C3AR1: variants seen among roughly 807,000 people sequenced by gnomAD.
C3AR1 encodes the protein C3a anaphylatoxin chemotactic receptor.
For synonymous variants in C3AR1, 208 were observed against 225.3 expected (o/e 0.92, Z 0.69); for missense variants, 579 against 583.5 (o/e 0.99, Z 0.08).
At position 8,059,240 on chromosome 12, in the gene C3AR1, C is replaced by T; in HGVS notation, c.946G>A (p.Asp316Asn). 6.2e-7 allele frequency: 1 copy of T among 1,614,116 alleles called. No homozygotes were observed. The highest frequency in any genetic ancestry group is 1.1e-5 in the South Asian group (1 of 91,084). Reference protein sequence around the residue: ...YESELPQGFQDYYNLGQFTDD... With the variant: ...YESELPQGFQNYYNLGQFTDD... ...GTGAATTGGCCTAAATTGTAATAATCCTGGAAACCTTGTGGTAGCTCAGAC... is the reference window on the plus strand; with the variant it reads ...GTGAATTGGCCTAAATTGTAATAATTCTGGAAACCTTGTGGTAGCTCAGAC... Residue 316 changes from aspartate to asparagine, a missense_variant, in exon 2 of 2, where the codon GAT (aspartate) becomes AAT (asparagine). Physicochemically the swap from Asp to Asn is conservative, Grantham distance 23. Coordinates refer to ENST00000307637, the MANE Select transcript of C3AR1 (RefSeq NM_004054.4).
In C3AR1 at chr12:8,059,402, C is replaced by T; in HGVS notation, c.784G>A (p.Ala262Thr). ...GGGATTTTAGGTGAGACCACATCAG[C>T]AGGTTTAAATACATTAGAATACAGA... Reference protein sequence around the residue: ...QNLYSNVFKPADVVSPKIPSG... With the variant: ...QNLYSNVFKPTDVVSPKIPSG... The change falls in exon 2 of 2, where the codon GCT (alanine) becomes ACT (threonine). Residue 262 changes from alanine to threonine, a missense_variant. By Grantham distance (58) the Ala-to-Thr change is moderately conservative. Transcript: ENST00000307637. 6.2e-7 allele frequency: 1 copy of T among 1,614,072 alleles called. No homozygotes were observed. Among genetic ancestry groups the T allele is most frequent in the Non-Finnish European group, 8.5e-7 (1 of 1,179,982 alleles).
At position 8,060,085 on chromosome 12, in the gene C3AR1, A is replaced by G; in HGVS notation, c.101T>C (p.Phe34Ser). The change falls in exon 2 of 2, where the codon TTT (phenylalanine) becomes TCT (serine). Residue 34 changes from phenylalanine (F) to serine (S), a missense_variant. Coordinates refer to ENST00000307637, the MANE Select transcript of C3AR1 (RefSeq NM_004054.4). ...ILSMVILSLTFLLGLPGNGLV... is the reference protein window; with the variant it reads ...ILSMVILSLTSLLGLPGNGLV... The stretch of plus-strand genomic sequence containing the variant: ...CCCATTGCCTGGCAATCCCAGTAAA[A>G]AAGTAAGGCTGAGAATGACCATGGA... 1 of 1,614,178 alleles carries G rather than the reference A, an allele frequency of 6.2e-7. No individual in the cohort carries two copies. Among genetic ancestry groups the G allele is most frequent in the Non-Finnish European group, 8.5e-7 (1 of 1,180,038 alleles).
intron 1 of C3AR1, among the ~76,000 whole-genome samples, chr12:8,061,472 A>ATTG (rs1947273198): frequency 6.6e-6 from 1 of 151,690 alleles, no homozygotes; most frequent in East Asian, 1.9e-4. Flanking sequence ...TATTATTATT[A>ATTG]TTATTTTTGA....
intron 1 of C3AR1, among the ~76,000 whole-genome samples, chr12:8,061,264 GACAA>G (rs1947270682): frequency 3.3e-5 from 5 of 151,950 alleles, no homozygotes; most frequent in African/African-American, 9.7e-5. Context: ...GGAAAATATA[GACAA>G]ACAAAAAAGA....
At chr12:8,060,919 C>T (rs888052500) in intron 1 of C3AR1, among the ~76,000 whole-genome samples, 1 of 152,260 alleles carries the variant, frequency 6.6e-6, no homozygotes, top group Non-Finnish European at 1.5e-5. Flanking sequence ...CCTGAGGTCA[C>T]GAAAGGGTTT....
In C3AR1 at chr12:8,063,203, G is replaced by T. The variant is rs11567797; in HGVS notation, c.-10-3008C>A. 1.2e-3 allele frequency among the ~76,000 whole-genome samples: 184 copies of T among 151,996 alleles called. 1 individual carries two copies. The highest frequency in any genetic ancestry group is 4.1e-3 in the African/African-American group (168 of 41,458). On this transcript the variant is annotated intron_variant, in intron 1 of 1. Coordinates refer to ENST00000307637, the MANE Select transcript of C3AR1 (RefSeq NM_004054.4). The stretch of plus-strand genomic sequence containing the variant: ...GATTTCCTGACCTGGTGATCCGCCC[G>T]CCTCGGCCTCCCAAAGTCCCGGGAT...
chr12:8,057,699 C>T lies in C3AR1; in HGVS notation c.*1038G>A, dbSNP rs768249784. 1.1e-4 allele frequency among the ~76,000 whole-genome samples: 17 copies of T among 152,246 alleles called. No individual in the cohort carries two copies. In the South Asian group the frequency reaches 2.9e-3, roughly 26 times the overall value. The stretch of plus-strand genomic sequence containing the variant: ...TAATTTTGGCATGTAAGTTGCCTGT[C>T]GTCATGTTTTAAAATGTGATGGCAA... On this transcript the variant is annotated 3_prime_UTR_variant, in exon 2 of 2. Transcript: ENST00000307637.
chr12:8,058,744 G>A lies in C3AR1; in HGVS notation c.1442C>T (p.Thr481Ile). 2 of 1,608,628 alleles carry A rather than the reference G, an allele frequency of 1.2e-6. No homozygotes were observed. The highest frequency in any genetic ancestry group is 1.7e-6 in the Non-Finnish European group (2 of 1,176,978). ...NNVISERNST[T>I]V ...GTTGGCTGCTCCACATTTTCACACA[G>A]TTGTACTATTTCTTTCTGAAATGAC... Residue 481 changes from threonine to isoleucine, a missense_variant, in exon 2 of 2, where the codon ACT becomes ATT. By Grantham distance (89) the Thr-to-Ile change is moderately conservative. Coordinates refer to ENST00000307637, the MANE Select transcript of C3AR1 (RefSeq NM_004054.4).
chr12:8,058,795 C>G lies in C3AR1; in HGVS notation c.1391G>C (p.Arg464Pro). ...LEAAFSEELT[R>P]STHCPSNNVI... ...ATTGTTTGAGGGACAGTGGGTGGAA[C>G]GTGTGAGCTCCTCACTGAAGGCTGC... The change falls in exon 2 of 2, where the codon CGT (arginine) becomes CCT (proline). Residue 464 changes from arginine (R) to proline (P), a missense_variant. By Grantham distance (103) the Arg-to-Pro change is moderately radical (BLOSUM62 -2). Transcript: ENST00000307637. 1 of 1,614,028 alleles carries G rather than the reference C, an allele frequency of 6.2e-7. No homozygotes were observed. The highest frequency in any genetic ancestry group is 8.5e-7 in the Non-Finnish European group (1 of 1,179,946).
At position 8,059,183 on chromosome 12, in the gene C3AR1, C is replaced by T. The variant is rs779816585; in HGVS notation, c.1003G>A (p.Ala335Thr). The part of the protein sequence containing the change: ...DDDQVPTPLV[A>T]ITITRLVVGF... ...ACCACTAGCCTAGTGATCGTTATTG[C>T]CACGAGGGGTGTTGGCACTTGATCG... is the stretch of plus-strand genomic sequence containing the variant. The change falls in exon 2 of 2, where the codon GCA becomes ACA. Residue 335 changes from alanine to threonine, a missense_variant. Ala to Thr is a moderately conservative substitution (Grantham distance 58). Transcript: ENST00000307637. 1.2e-5 allele frequency: 20 copies of T among 1,614,028 alleles called. No individual in the cohort carries two copies. The highest frequency in any genetic ancestry group is 8.5e-7 in the Non-Finnish European group (1 of 1,180,020).
chr12:8,061,693 T>C (rs1036248438), intron 1 of C3AR1, among the ~76,000 whole-genome samples: 1 of 152,132 alleles, frequency 6.6e-6, no homozygotes, highest in Admixed American at 6.6e-5. Context: ...ACTGCTAGGC[T>C]CGAGTGATCC....
intron 1 of C3AR1, among the ~76,000 whole-genome samples, chr12:8,060,513 G>A (rs1285177049): frequency 1.3e-5 from 2 of 152,182 alleles, no homozygotes; most frequent in Non-Finnish European, 2.9e-5. Flanking sequence ...TCCTGCCTCA[G>A]CCTCCAGAGT....
At chr12:8,064,878 T>C (rs1044206690) in intron 1 of C3AR1, among the ~76,000 whole-genome samples, 3 of 151,876 alleles carry the variant, frequency 2.0e-5, no homozygotes, top group Middle Eastern at 3.2e-3. Context: ...TGTTGTTGTT[T>C]GTTTGTTTGT....
Position 8,058,582 on chromosome 12 carries a change from A to T in C3AR1, c.*155T>A. 1 of 789,170 alleles carries T rather than the reference A, an allele frequency of 1.3e-6. No individual in the cohort carries two copies. Among genetic ancestry groups the T allele is most frequent in the Non-Finnish European group, 2.0e-6 (1 of 497,606 alleles). The allele number at this position is 789,170 out of a possible 1,614,324, so 48.9% of individuals were successfully genotyped here. ...TGCATTTCTAACAAGTTTCTAGGTGATGCTGATGTCAATAGTCTGTGTACC... is the reference window on the plus strand; with the variant it reads ...TGCATTTCTAACAAGTTTCTAGGTGTTGCTGATGTCAATAGTCTGTGTACC... On this transcript the variant is annotated 3_prime_UTR_variant, in exon 2 of 2. Transcript: ENST00000307637.
At chr12:8,065,216 G>A (rs1187543846) in intron 1 of C3AR1, among the ~76,000 whole-genome samples, 2 of 150,554 alleles carry the variant, frequency 1.3e-5, no homozygotes, top group Non-Finnish European at 1.5e-5. Context: ...GGAAGCTGCC[G>A]AGAACTGCAT....
At chr12:8,060,594 C>A (rs1358931874) in intron 1 of C3AR1, among the ~76,000 whole-genome samples, 2 of 152,174 alleles carry the variant, frequency 1.3e-5, no homozygotes, top group Non-Finnish European at 2.9e-5. Flanking sequence ...GGGGTTTTGC[C>A]ATGTTGGCCA....
chr12:8,065,653 C>CAA (rs753950088), intron 1 of C3AR1, among the ~76,000 whole-genome samples: 27,733 of 71,126 alleles, frequency 0.39, 5,511 homozygotes, highest in East Asian at 0.5. Flanking sequence ...GACTCTGTCT[C>CAA]AAAAAAAAAA....
chr12:8,058,445 A>G lies in C3AR1; in HGVS notation c.*292T>C, dbSNP rs922149763. 1 of 304,026 alleles carries G rather than the reference A, an allele frequency of 3.3e-6. No homozygotes were observed. Among genetic ancestry groups the G allele is most frequent in the Non-Finnish European group, 6.1e-6 (1 of 164,092 alleles). 18.8% of individuals were successfully genotyped at this position (304,026 alleles called of 1,614,324 possible). A position where few individuals can be genotyped will look rare whatever the true frequency, so the allele number is the denominator to read the frequency against. Reference sequence around the variant, plus strand: ...GGATAGAAATAGAACTAATGTTTACAATGATTCTTACATTTAGCATTAATC... The same window carrying G: ...GGATAGAAATAGAACTAATGTTTACGATGATTCTTACATTTAGCATTAATC... On this transcript the variant is annotated 3_prime_UTR_variant, in exon 2 of 2. Coordinates refer to ENST00000307637, the MANE Select transcript of C3AR1 (RefSeq NM_004054.4).
chr12:8,060,776 T>C (rs1947266624), intron 1 of C3AR1, among the ~76,000 whole-genome samples: 1 of 152,248 alleles, frequency 6.6e-6, no homozygotes, highest in Non-Finnish European at 1.5e-5. Context: ...CATATTAGTG[T>C]AAATTTCTCC....
Sources: allele counts gnomAD v4.1 joint callset (sites outside exome capture counted in the v4.1 genomes callset), GRCh38; gene constraint gnomAD v4.1.1; transcripts MANE v1.5; gene names NCBI Gene and HGNC (gene_info 2026-07-23, HGNC 2026-07-21).